Variants in SYNE1 observed in about 807,000 individuals in gnomAD.
The protein encoded by SYNE1 is spectrin repeat containing nuclear envelope protein 1, also known as nesprin-1.
SYNE1 carries 616 observed loss-of-function variants against 1,111.0 expected under a neutral mutation model. The ratio of observed to expected loss-of-function variants is 0.55; its 90% CI spans 0.52 to 0.59. SYNE1 has a LOEUF of 0.59. Among genes scored for constraint, SYNE1 ranks in the 20% least tolerant of loss-of-function variants. The probability of loss-of-function intolerance (pLI) is 0.00; values close to 1 mark genes in which losing one functional copy is unlikely to be tolerated. For synonymous variants in SYNE1, 3,855 were observed against 3,825.8 expected (o/e 1.01, Z -0.28); for missense variants, 10,006 against 10,417.0 (o/e 0.96, Z 1.72).
At chr6:152,280,217 A>G (rs1431746818) in intron 97 of SYNE1, among the ~76,000 whole-genome samples, 1 of 152,226 alleles carries the variant, frequency 6.6e-6, no homozygotes, top group Non-Finnish European at 1.5e-5. Context: ...GCTGGCTTAT[A>G]TGTAAGATTT....
chr6:152,528,306 C>A (rs937638275), intron 4 of SYNE1, among the ~76,000 whole-genome samples: 6 of 151,746 alleles, frequency 4.0e-5, no homozygotes, highest in East Asian at 1.9e-4. Flanking sequence ...GACTGACTGA[C>A]TGAATGAATG....
intron 131 of SYNE1, among the ~76,000 whole-genome samples, chr6:152,162,130 A>G (rs1233533265): frequency 6.6e-6 from 1 of 152,330 alleles, no homozygotes; most frequent in East Asian, 1.9e-4. Context: ...TGCCAGTCTC[A>G]GCACACCTTA....
chr6:152,272,331 G>A (rs1309452959), intron 98 of SYNE1, among the ~76,000 whole-genome samples: 1 of 152,178 alleles, frequency 6.6e-6, no homozygotes, highest in African/African-American at 2.4e-5. Flanking sequence ...GGAATGCAGA[G>A]GTTAGGCGGT....
At position 152,520,501 on chromosome 6, in the gene SYNE1, C is replaced by T; in HGVS notation, c.267G>A (p.Val89=). The change falls in exon 6 of 146, where the codon GTG becomes GTA. Residue 89 remains valine (V), a synonymous_variant. Transcript: ENST00000367255. ...ACTTGAGTGCCGTGCCAATGTTAGC[C>T]ACAGCATGGATTCGCTTCATCCGGC... ...QGRRMKRIHA[V]ANIGTALKFL... is the part of the protein sequence containing the mutation. 1 of 1,613,666 alleles carries T rather than the reference C, an allele frequency of 6.2e-7. No homozygotes were observed. The highest frequency in any genetic ancestry group is 8.5e-7 in the Non-Finnish European group (1 of 1,179,736).
intron 129 of SYNE1, among the ~76,000 whole-genome samples, chr6:152,177,584 A>G (rs570946633): frequency 6.6e-6 from 1 of 152,288 alleles, no homozygotes; most frequent in Admixed American, 6.5e-5. Flanking sequence ...GGGGAATGGT[A>G]GGGACCAACA....
chr6:152,329,177 G>A (rs1027392970), intron 78 of SYNE1, among the ~76,000 whole-genome samples: 1 of 152,134 alleles, frequency 6.6e-6, no homozygotes, highest in Non-Finnish European at 1.5e-5. Context: ...ACTGTTATAA[G>A]CAAAGTGAAG....
intron 17 of SYNE1, 59 bp downstream of exon 17, chr6:152,465,923 C>G (rs977764131): frequency 5.9e-5 from 72 of 1,230,606 alleles, no homozygotes; most frequent in Non-Finnish European, 8.4e-5. Context: ...AGATAGAAAC[C>G]TGCAGGCTCT....
At chr6:152,154,232 G>A (rs139757056) in intron 133 of SYNE1, among the ~76,000 whole-genome samples, 191 of 152,244 alleles carry the variant, frequency 1.3e-3, no homozygotes, top group African/African-American at 2.8e-3. Context: ...CAGTGATAGA[G>A]TGGACTCGAG....
chr6:152,404,358 G>T, intron 45 of SYNE1, 44 bp from the exon 46 acceptor site: 2 of 1,383,436 alleles, frequency 1.4e-6, no homozygotes, highest in Non-Finnish European at 2.1e-6. Flanking sequence ...ACACTGACAT[G>T]CTATATTTGG....
At chr6:152,195,436 G>T (rs377254951) in intron 127 of SYNE1, among the ~76,000 whole-genome samples, 1 of 152,254 alleles carries the variant, frequency 6.6e-6, no homozygotes, top group South Asian at 2.1e-4. Context: ...CCCTTCTTAG[G>T]AAGGTTTTCC....
chr6:152,123,979 T>A (rs961983399), intron 145 of SYNE1, among the ~76,000 whole-genome samples: 1 of 152,112 alleles, frequency 6.6e-6, no homozygotes, highest in Non-Finnish European at 1.5e-5. Context: ...AGAATCCCCT[T>A]AGAAGGGAAC....
chr6:152,286,886 A>C (rs958931633), intron 95 of SYNE1, among the ~76,000 whole-genome samples: 2 of 152,230 alleles, frequency 1.3e-5, no homozygotes, highest in African/African-American at 4.8e-5. Context: ...ACTATATAGG[A>C]AATCTTTTGC....
In SYNE1 at chr6:152,562,203, C is replaced by G. The variant is rs191769079; in HGVS notation, c.68-22182G>C. 1.7e-3 allele frequency among the ~76,000 whole-genome samples: 256 copies of G among 152,112 alleles called. 2 individuals are homozygous for G. The highest frequency in any genetic ancestry group is 3.0e-3 in the Admixed American group (46 of 15,264). ...GCAAAATATGTTAGAAACTCAAAAA[C>G]TAAATAGCAGAAAAACAAACAAAGA... On this transcript the variant is annotated intron_variant, in intron 3 of 145. Transcript: ENST00000367255.
chr6:152,494,742 T>A (rs562510950), intron 11 of SYNE1, among the ~76,000 whole-genome samples: 109 of 152,326 alleles, frequency 7.2e-4, no homozygotes, highest in African/African-American at 2.6e-3. Flanking sequence ...AATGACTCTT[T>A]AATAAAAACT....
intron 101 of SYNE1, among the ~76,000 whole-genome samples, chr6:152,257,618 T>G (rs979984146): frequency 1.3e-5 from 2 of 152,040 alleles, no homozygotes; most frequent in Non-Finnish European, 2.9e-5. Flanking sequence ...CATTAAGACA[T>G]AAATAAATTA....
chr6:152,388,228 T>C (rs2097552411), intron 53 of SYNE1, among the ~76,000 whole-genome samples: 1 of 151,764 alleles, frequency 6.6e-6, no homozygotes, highest in African/African-American at 2.4e-5. Flanking sequence ...GTTCCTCAAA[T>C]AATTTTCTAA....
chr6:152,537,408 T>C (rs1050279622), intron 4 of SYNE1, among the ~76,000 whole-genome samples: 1 of 151,990 alleles, frequency 6.6e-6, no homozygotes, highest in Non-Finnish European at 1.5e-5. Context: ...TTCTTACTTA[T>C]AATAAGATTT....
At chr6:152,484,480 A>C (rs1358013789) in intron 13 of SYNE1, among the ~76,000 whole-genome samples, 1 of 152,222 alleles carries the variant, frequency 6.6e-6, no homozygotes, top group Non-Finnish European at 1.5e-5. Context: ...CTGTGGCTCT[A>C]CTCTGGAGAA....
chr6:152,565,574 G>T (rs997665961), intron 3 of SYNE1, among the ~76,000 whole-genome samples: 3 of 151,474 alleles, frequency 2.0e-5, no homozygotes, highest in Non-Finnish European at 4.4e-5. Flanking sequence ...ATTCTCATTT[G>T]GTATTCACTC....
Sources: allele counts gnomAD v4.1 joint callset (sites outside exome capture counted in the v4.1 genomes callset), GRCh38; gene constraint gnomAD v4.1.1; transcripts MANE v1.5; gene names NCBI Gene and HGNC (gene_info 2026-07-23, HGNC 2026-07-21).